The following ACOXL variants were observed in gnomAD, a reference collection of about 807,000 sequenced individuals.
The protein encoded by ACOXL is acyl-coenzyme A oxidase-like protein.
A neutral mutation model predicts 71.9 loss-of-function variants in ACOXL; 70 were observed. That is an observed-to-expected ratio of 0.97 (90% CI 0.80 to 1.19). ACOXL has a LOEUF of 1.19. Ranked by LOEUF, ACOXL falls within the 50% of genes most tolerant of loss-of-function variation. The probability of loss-of-function intolerance (pLI) is 0.00; values close to 1 mark genes in which losing one functional copy is unlikely to be tolerated. For missense variants in ACOXL, 703 were observed against 736.3 expected (o/e 0.95, Z 0.52); for synonymous variants, 253 against 281.6 (o/e 0.90, Z 1.02).
intron 10 of ACOXL, among the ~76,000 whole-genome samples, chr2:110,904,809 C>T (rs2059378669): frequency 6.6e-6 from 1 of 152,154 alleles, no homozygotes; most frequent in Non-Finnish European, 1.5e-5. Context: ...GTATGGATAA[C>T]TTCAGAAGGC....
intron 2 of ACOXL, among the ~76,000 whole-genome samples, chr2:110,771,333 AT>A (rs1164721868): frequency 6.6e-6 from 1 of 152,214 alleles, no homozygotes; most frequent in African/African-American, 2.4e-5. Flanking sequence ...CTGCCTCTTA[AT>A]AAAATGATTG....
intron 12 of ACOXL, among the ~76,000 whole-genome samples, chr2:110,939,096 C>T (rs1462204242): frequency 6.6e-6 from 1 of 152,132 alleles, no homozygotes; most frequent in Non-Finnish European, 1.5e-5. Context: ...CATCTTGCAC[C>T]TAATTTTTGC....
intron 14 of ACOXL, among the ~76,000 whole-genome samples, chr2:111,015,236 A>G (rs2064371582): frequency 6.6e-6 from 1 of 152,254 alleles, no homozygotes; most frequent in Non-Finnish European, 1.5e-5. Flanking sequence ...AAACACTTCT[A>G]TCCAGAATAT....
At chr2:110,960,924 A>G (rs980639222) in intron 12 of ACOXL, among the ~76,000 whole-genome samples, 1 of 152,206 alleles carries the variant, frequency 6.6e-6, no homozygotes, top group Non-Finnish European at 1.5e-5. Flanking sequence ...TGTAAGCCGC[A>G]TAGACGTTTA....
At chr2:110,831,320 T>G (rs974247370) in intron 9 of ACOXL, among the ~76,000 whole-genome samples, 49 of 152,206 alleles carry the variant, frequency 3.2e-4, no homozygotes, top group African/African-American at 1.2e-3. Flanking sequence ...CAAGAATTAA[T>G]TGCATTTCCA....
intron 15 of ACOXL, among the ~76,000 whole-genome samples, chr2:111,039,828 T>A (rs1411827649): frequency 6.6e-6 from 1 of 152,192 alleles, no homozygotes; most frequent in Non-Finnish European, 1.5e-5. Flanking sequence ...AACCAGTTCT[T>A]TCTGTGAGCT....
At chr2:111,019,167 G>A (rs760001038) in intron 14 of ACOXL, among the ~76,000 whole-genome samples, 15 of 152,166 alleles carry the variant, frequency 9.9e-5, no homozygotes, top group African/African-American at 1.7e-4. Context: ...CTAGCTGACC[G>A]TACTCCAAAT....
At chr2:110,975,442 A>G (rs1288158439) in intron 12 of ACOXL, among the ~76,000 whole-genome samples, 1 of 151,642 alleles carries the variant, frequency 6.6e-6, no homozygotes, top group Non-Finnish European at 1.5e-5. Context: ...GTGTGCATGA[A>G]ATCATTTGAG....
chr2:110,825,398 A>T, intron 9 of ACOXL, among the ~76,000 whole-genome samples: 1 of 152,052 alleles, frequency 6.6e-6, no homozygotes. Flanking sequence ...TCTATAATCT[A>T]TCTGCTTGGT....
chr2:110,993,142 A>G (rs909391900), intron 13 of ACOXL, among the ~76,000 whole-genome samples: 6 of 152,228 alleles, frequency 3.9e-5, no homozygotes, highest in Non-Finnish European at 2.9e-5. Context: ...ATATTTAGTT[A>G]TAGTTCTTCT....
At chr2:111,081,180 G>A (rs1006602263) in intron 16 of ACOXL, among the ~76,000 whole-genome samples, 1 of 152,160 alleles carries the variant, frequency 6.6e-6, no homozygotes, top group South Asian at 2.1e-4. Flanking sequence ...GGGCAATCAG[G>A]CAAGAGAAAG....
In ACOXL at chr2:110,908,745, G is replaced by T. The variant is rs371966897; in HGVS notation, c.789-44G>T. 8 of 1,497,324 alleles carry T rather than the reference G, an allele frequency of 5.3e-6. No homozygotes were observed. In the African/African-American group the frequency reaches 9.6e-5, roughly 18 times the overall value. The allele number at this position is 1,497,324 out of a possible 1,614,324, so 92.8% of individuals were successfully genotyped here. A position where few individuals can be genotyped will look rare whatever the true frequency, so the allele number is the denominator to read the frequency against. On this transcript the variant is annotated intron_variant, in intron 10 of 17. Coordinates refer to ENST00000439055, the MANE Select transcript of ACOXL (RefSeq NM_001142807.4). The stretch of plus-strand genomic sequence containing the variant: ...AGCTCTGGAAATGAAGTTACCTCCC[G>T]CTCCTGGATTTTGGTAAAAATCGTG...
intron 14 of ACOXL, among the ~76,000 whole-genome samples, chr2:111,011,665 T>C (rs2064164032): frequency 6.6e-6 from 1 of 152,118 alleles, no homozygotes; most frequent in South Asian, 2.1e-4. Flanking sequence ...GGCAGATCGC[T>C]TGAGCCCAGG....
At chr2:111,008,254 T>C (rs555233611) in intron 14 of ACOXL, among the ~76,000 whole-genome samples, 1 of 152,370 alleles carries the variant, frequency 6.6e-6, no homozygotes, top group South Asian at 2.1e-4. Context: ...TAATCATTTT[T>C]TGGCTAAGCG....
intron 2 of ACOXL, among the ~76,000 whole-genome samples, chr2:110,769,005 T>C: frequency 6.6e-6 from 1 of 151,590 alleles, no homozygotes; most frequent in East Asian, 1.9e-4. Flanking sequence ...ACTTCTCCAA[T>C]CTCACAGGCG....
At position 110,898,651 on chromosome 2, in the gene ACOXL, C is replaced by G. The variant is rs577040502; in HGVS notation, c.789-10138C>G. Among the ~76,000 whole-genome samples, 143 of 152,278 alleles carry G rather than the reference C, an allele frequency of 9.4e-4. 2 individuals are homozygous for G. Among genetic ancestry groups the G allele is most frequent in the Middle Eastern group, 6.8e-3 (2 of 294 alleles). On this transcript the variant is annotated intron_variant, in intron 10 of 17. Transcript: ENST00000439055. The stretch of plus-strand genomic sequence containing the variant: ...CAACATTACACGTTATGGTAAAGGA[C>G]TGAATTATTTCCCTTTAAAATCAGG...
chr2:111,091,910 CTG>C (rs1405054305), intron 16 of ACOXL, among the ~76,000 whole-genome samples: 1 of 152,204 alleles, frequency 6.6e-6, no homozygotes, highest in Non-Finnish European at 1.5e-5. Flanking sequence ...AACCACATGA[CTG>C]TGAACCACAT....
intron 17 of ACOXL, chr2:111,100,505 C>G (rs920739148): frequency 1.3e-5 from 2 of 152,714 alleles, no homozygotes; most frequent in Non-Finnish European, 2.9e-5. Flanking sequence ...GGACACCTCC[C>G]CCATATTTGA....
chr2:110,924,396 C>A (rs2060194163), intron 11 of ACOXL, among the ~76,000 whole-genome samples: 1 of 152,202 alleles, frequency 6.6e-6, no homozygotes, highest in Non-Finnish European at 1.5e-5. Flanking sequence ...CAGCGTTTTA[C>A]CCACAGCAGA....
Sources: gnomAD v4.1 joint callset for allele counts (sites outside exome capture counted in the v4.1 genomes callset) on GRCh38, gnomAD v4.1.1 for gene constraint, MANE v1.5 for transcripts, NCBI Gene and HGNC (gene_info 2026-07-23, HGNC 2026-07-21) for gene names.